ALAS2: variants seen among roughly 807,000 people sequenced by gnomAD.
ALAS2 encodes the protein 5-aminolevulinate synthase, erythroid-specific, mitochondrial.
In ALAS2, 3 loss-of-function variants were observed where a neutral mutation model predicts 33.7. The observed-to-expected ratio is 0.09, with a 90% confidence interval of 0.04 to 0.23. The LOEUF is 0.23. Ranked by LOEUF, ALAS2 falls within the 10% of genes least tolerant of loss-of-function variation. The pLI is 1.00. For missense variants in ALAS2, 304 were observed against 475.1 expected (o/e 0.64, Z 3.35); for synonymous variants, 191 against 177.3 (o/e 1.08, Z -0.61).
chrX:55,009,212 T>C lies in ALAS2; in HGVS notation c.1732A>G (p.Met578Val), dbSNP rs766555892. The C allele has an allele frequency of 3.3e-6, 4 of 1,208,338 alleles. No homozygotes were observed. The highest frequency in any genetic ancestry group is 1.1e-6 in the Non-Finnish European group (1 of 894,062). The change falls in exon 11 of 11, where the codon ATG (methionine) becomes GTG (valine). Residue 578 changes from methionine to valine, a missense_variant. Met to Val is a conservative substitution (Grantham distance 21, BLOSUM62 1). Transcript: ENST00000650242. ...TAGGTGGTGACATACTGGGGCCCCA[T>C]GTTCCCGAAGTAGGAACGTTCCCAC... ...SEWERSYFGN[M>V]GPQYVTTYA
At chrX:55,020,171 C>A (rs769466964) in intron 6 of ALAS2, 149 bp downstream of exon 6, 2 of 563,048 alleles carry the variant, frequency 3.6e-6, no homozygotes, top group South Asian at 5.7e-5. Context: ...ATATAATTAT[C>A]CAGTGTTGAG....
chrX:55,027,663 C>G (rs1232919394), intron 1 of ALAS2: 2 of 907,846 alleles, frequency 2.2e-6, no homozygotes, highest in Non-Finnish European at 1.6e-6. Flanking sequence ...TTTTGAGGGA[C>G]AGGTCAGCTC....
At chrX:55,015,957 CTCTGTGTGTG>C (rs1169965251) in intron 7 of ALAS2, among the ~76,000 whole-genome samples, 163 of 86,301 alleles carry the variant, frequency 1.9e-3, no homozygotes, top group African/African-American at 7.1e-3. Flanking sequence ...CTCTCTGTCT[CTCTGTGTGTG>C]TGTGTGTGTG....
chrX:55,028,958 A>C (rs1340046297), intron 1 of ALAS2, among the ~76,000 whole-genome samples: 1 of 112,089 alleles, frequency 8.9e-6, no homozygotes, highest in African/African-American at 3.2e-5. Flanking sequence ...TATATCTGGA[A>C]AATGTTGGTA....
intron 6 of ALAS2, among the ~76,000 whole-genome samples, chrX:55,018,955 T>C (rs1935751605): frequency 9.0e-6 from 1 of 111,212 alleles, no homozygotes; most frequent in African/African-American, 3.3e-5. Flanking sequence ...TAAAAACAAC[T>C]TAAAGATGTT....
intron 7 of ALAS2, among the ~76,000 whole-genome samples, chrX:55,016,691 A>G (rs1386864417): frequency 8.9e-6 from 1 of 112,384 alleles, no homozygotes; most frequent in Non-Finnish European, 1.9e-5. Context: ...CATGATTTCT[A>G]CACAACAGGG....
chrX:55,021,387 CATTT>C (rs763899022), intron 4 of ALAS2, 113 bp from the exon 5 acceptor site: 563 of 603,297 alleles, frequency 9.3e-4, no homozygotes, highest in Non-Finnish European at 1.4e-3. Context: ...TCCACATATT[CATTT>C]ATTTGCTCAG....
At chrX:55,025,084 G>A (rs1340216396) in intron 2 of ALAS2, among the ~76,000 whole-genome samples, 1 of 111,076 alleles carries the variant, frequency 9.0e-6, no homozygotes, top group Non-Finnish European at 1.9e-5. Flanking sequence ...GTCCAGAAGA[G>A]GGAGGGGAAA....
intron 7 of ALAS2, among the ~76,000 whole-genome samples, chrX:55,016,026 T>C (rs886934966): frequency 9.6e-6 from 1 of 104,645 alleles, no homozygotes; most frequent in Non-Finnish European, 2.0e-5. Context: ...TGTGTGCGCA[T>C]GTGTGTGTGT....
At chrX:55,015,971 G>C (rs1031209398) in intron 7 of ALAS2, among the ~76,000 whole-genome samples, 45 of 89,404 alleles carry the variant, frequency 5.0e-4, no homozygotes, top group African/African-American at 2.0e-3. Context: ...GTGTGTGTGT[G>C]TGTGTGTGTG....
chrX:55,020,797 A>C (rs1935791645), intron 5 of ALAS2, among the ~76,000 whole-genome samples: 1 of 111,757 alleles, frequency 8.9e-6, no homozygotes, highest in Non-Finnish European at 1.9e-5. Flanking sequence ...CTGCAGCTAG[A>C]TTAAAAACTC....
chrX:55,014,677 G>A, intron 9 of ALAS2, 70 bp downstream of exon 9: 1 of 1,058,322 alleles, frequency 9.4e-7, no homozygotes, highest in Non-Finnish European at 1.2e-6. Flanking sequence ...AACAGATGTA[G>A]GTTTGTTGGG....
At chrX:55,023,648 T>C (rs1219212080) in intron 4 of ALAS2, 109 bp downstream of exon 4, 1 of 655,501 alleles carries the variant, frequency 1.5e-6, no homozygotes, top group African/African-American at 2.2e-5. Context: ...AAACTCAAAT[T>C]TCCTTTGGTT....
chrX:55,018,156 T>G (rs748685024), intron 6 of ALAS2, among the ~76,000 whole-genome samples: 1 of 111,974 alleles, frequency 8.9e-6, no homozygotes, highest in Non-Finnish European at 1.9e-5. Context: ...AATCATAAGC[T>G]TATGGCATGT....
intron 1 of ALAS2, among the ~76,000 whole-genome samples, chrX:55,028,928 C>T (rs1038108590): frequency 3.6e-5 from 4 of 111,690 alleles, no homozygotes; most frequent in Admixed American, 9.5e-5. Context: ...TTAGAAAAGT[C>T]ACTTCCCTGC....
Position 55,025,860 on chromosome X carries a change from G to A in ALAS2, c.141C>T (p.Asn47=), listed in dbSNP as rs1935882834. The change falls in exon 2 of 11, where the codon AAC becomes AAT. Residue 47 remains asparagine, a synonymous_variant. Coordinates refer to ENST00000650242, the MANE Select transcript of ALAS2 (RefSeq NM_000032.5). ...RCPILATQGP[N]CSQIHLKATK... ...TTGCCTTAAGGTGGATTTGAGAACA[G>A]TTTGGTCCTTGGGTAGCCAGGATGG... is the stretch of plus-strand genomic sequence containing the variant. The A allele has an allele frequency of 5.8e-6, 7 of 1,211,896 alleles. No homozygotes were observed. In the East Asian group the frequency reaches 1.8e-4, roughly 31 times the overall value.
At chrX:55,011,700 C>G (rs1896261657) in intron 10 of ALAS2, among the ~76,000 whole-genome samples, 1 of 111,746 alleles carries the variant, frequency 8.9e-6, no homozygotes. Flanking sequence ...ATCGTGGATG[C>G]CTCATATATT....
intron 1 of ALAS2, among the ~76,000 whole-genome samples, chrX:55,028,022 C>T (rs1366649998): frequency 8.9e-6 from 1 of 111,997 alleles, no homozygotes; most frequent in Non-Finnish European, 1.9e-5. Context: ...TTGTTCAAAT[C>T]ACTTCCCCTC....
At chrX:55,017,872 C>T (rs1348138042) in intron 6 of ALAS2, among the ~76,000 whole-genome samples, 1 of 112,111 alleles carries the variant, frequency 8.9e-6, no homozygotes, top group Non-Finnish European at 1.9e-5. Flanking sequence ...ACATCCTTCC[C>T]TCCAGTCATT....
Sources: gnomAD v4.1 joint callset for allele counts (sites outside exome capture counted in the v4.1 genomes callset) on GRCh38, gnomAD v4.1.1 for gene constraint, MANE v1.5 for transcripts, NCBI Gene and HGNC (gene_info 2026-07-23, HGNC 2026-07-21) for gene names.